PTPRZ1: variants seen among roughly 807,000 people sequenced by gnomAD.
The protein encoded by PTPRZ1 is receptor-type tyrosine-protein phosphatase zeta.
PTPRZ1 carries 82 observed loss-of-function variants against 214.1 expected under a neutral mutation model. The ratio of observed to expected loss-of-function variants is 0.38; its 90% CI spans 0.32 to 0.46. The LOEUF (loss-of-function observed/expected upper bound fraction) is 0.46. PTPRZ1 is among the 20% of genes least tolerant of loss of function. The probability of loss-of-function intolerance (pLI) is 1.00; values close to 1 mark genes in which losing one functional copy is unlikely to be tolerated. For missense variants in PTPRZ1, 2,603 were observed against 2,748.7 expected, an observed-to-expected ratio of 0.95 and a Z score of 1.19; for synonymous variants, 945 against 987.9, an observed-to-expected ratio of 0.96 and a Z score of 0.81.
intron 12 of PTPRZ1, 73 bp from the exon 13 acceptor site, chr7:122,019,051 T>C: frequency 7.1e-7 from 1 of 1,414,586 alleles, no homozygotes; most frequent in South Asian, 1.3e-5. Context: ...AAGGTTGCAA[T>C]TAATCAGTTG....
At chr7:121,941,607 G>T (rs552395957) in intron 2 of PTPRZ1, among the ~76,000 whole-genome samples, 1 of 152,130 alleles carries the variant, frequency 6.6e-6, no homozygotes, top group Non-Finnish European at 1.5e-5. Flanking sequence ...TTATAATCAG[G>T]TGTGGGAAAA....
At chr7:122,041,859 A>G (rs918128751) in intron 21 of PTPRZ1, among the ~76,000 whole-genome samples, 1 of 152,204 alleles carries the variant, frequency 6.6e-6, no homozygotes. Context: ...GCCTGATTAT[A>G]AACTGAGGAA....
intron 1 of PTPRZ1, among the ~76,000 whole-genome samples, chr7:121,885,629 A>G (rs983455779): frequency 1.3e-5 from 2 of 152,210 alleles, no homozygotes; most frequent in Admixed American, 6.5e-5. Flanking sequence ...AGAAATCAAG[A>G]AAACACAAGA....
chr7:121,943,346 A>G (rs1307689105), intron 2 of PTPRZ1, among the ~76,000 whole-genome samples: 1 of 152,050 alleles, frequency 6.6e-6, no homozygotes, highest in Non-Finnish European at 1.5e-5. Context: ...TTATGTATTT[A>G]TTTATTTTTT....
chr7:122,011,275 G>T lies in PTPRZ1; in HGVS notation c.2229G>T (p.Val743=), dbSNP rs1205871839. The change falls in exon 12 of 30, where the codon GTG becomes GTT. Residue 743 remains valine, a synonymous_variant. Transcript: ENST00000393386. ...RQQDLVSTVN[V]VYSQTTQPVY... The stretch of plus-strand genomic sequence containing the variant: ...AGGATTTGGTCTCCACGGTCAACGT[G>T]GTATACTCGCAGACAACCCAACCGG... 1 of 1,613,860 alleles carries T rather than the reference G, an allele frequency of 6.2e-7. No individual in the cohort carries two copies. The highest frequency in any genetic ancestry group is 8.5e-7 in the Non-Finnish European group (1 of 1,179,904).
intron 1 of PTPRZ1, among the ~76,000 whole-genome samples, chr7:121,903,413 G>A (rs1454901828): frequency 6.6e-6 from 1 of 152,050 alleles, no homozygotes; most frequent in African/African-American, 2.4e-5. Flanking sequence ...TTTATTGCAG[G>A]CTTCTACTGT....
At chr7:121,896,528 A>G (rs1177237209) in intron 1 of PTPRZ1, among the ~76,000 whole-genome samples, 2 of 152,134 alleles carry the variant, frequency 1.3e-5, no homozygotes, top group Non-Finnish European at 2.9e-5. Flanking sequence ...AACGGAAGAA[A>G]ACCCGTCATA....
chr7:121,964,755 G>A (rs1054044084), intron 2 of PTPRZ1, among the ~76,000 whole-genome samples: 5 of 152,280 alleles, frequency 3.3e-5, no homozygotes, highest in African/African-American at 1.2e-4. Flanking sequence ...AGTCTCTCCT[G>A]TAGATGCTTT....
Position 122,012,007 on chromosome 7 carries a change from T to G in PTPRZ1, c.2961T>G (p.Thr987=), listed in dbSNP as rs768131507. The part of the protein sequence containing the change: ...ITPTASLLQP[T]HALSGDGEWS... ...CAACTGCATCATTACTGCAGCCTAC[T>G]CATGCCCTCTCTGGTGATGGGGAAT... Residue 987 remains threonine (T), a synonymous_variant, in exon 12 of 30, where the codon ACT becomes ACG. Coordinates refer to ENST00000393386, the MANE Select transcript of PTPRZ1 (RefSeq NM_002851.3). 2 of 1,614,090 alleles carry G rather than the reference T, an allele frequency of 1.2e-6. No homozygotes were observed. Among genetic ancestry groups the G allele is most frequent in the Non-Finnish European group, 1.7e-6 (2 of 1,180,022 alleles).
chr7:121,886,754 T>A (rs1340543468), intron 1 of PTPRZ1, among the ~76,000 whole-genome samples: 1 of 152,178 alleles, frequency 6.6e-6, no homozygotes, highest in Non-Finnish European at 1.5e-5. Flanking sequence ...ATTCTACAAC[T>A]GACTTTAATA....
intron 2 of PTPRZ1, among the ~76,000 whole-genome samples, chr7:121,962,946 G>C (rs544340920): frequency 6.6e-6 from 1 of 152,098 alleles, no homozygotes; most frequent in Admixed American, 6.5e-5. Flanking sequence ...TTCTTTTAGA[G>C]TGCTTTGCAT....
At chr7:122,007,603 T>A (rs912909898) in intron 11 of PTPRZ1, among the ~76,000 whole-genome samples, 1 of 152,122 alleles carries the variant, frequency 6.6e-6, no homozygotes, top group African/African-American at 2.4e-5. Context: ...GGAAAATGCA[T>A]GGAATATATT....
At chr7:121,972,474 G>T in intron 3 of PTPRZ1, 67 bp from the exon 4 acceptor site, 1 of 1,415,904 alleles carries the variant, frequency 7.1e-7, no homozygotes, top group Non-Finnish European at 9.5e-7. Context: ...TAAGTAGATG[G>T]AAATTTAGTT....
At chr7:121,883,784 G>A (rs995793591) in intron 1 of PTPRZ1, among the ~76,000 whole-genome samples, 6 of 152,094 alleles carry the variant, frequency 3.9e-5, no homozygotes, top group Non-Finnish European at 8.8e-5. Context: ...GTGCCACCAT[G>A]CCCAGCTAAT....
intron 2 of PTPRZ1, among the ~76,000 whole-genome samples, chr7:121,958,846 C>T (rs2116480495): frequency 6.6e-6 from 1 of 152,210 alleles, no homozygotes; most frequent in Non-Finnish European, 1.5e-5. Flanking sequence ...GTTTTTGAGA[C>T]AGAGTCTCAC....
intron 23 of PTPRZ1, among the ~76,000 whole-genome samples, chr7:122,051,087 C>A (rs1339201254): frequency 6.6e-6 from 1 of 151,930 alleles, no homozygotes; most frequent in Non-Finnish European, 1.5e-5. Flanking sequence ...TACACACACA[C>A]GATGTAATTT....
At chr7:121,962,029 C>T (rs1796894433) in intron 2 of PTPRZ1, among the ~76,000 whole-genome samples, 1 of 152,168 alleles carries the variant, frequency 6.6e-6, no homozygotes, top group African/African-American at 2.4e-5. Context: ...TAATAACACT[C>T]AGGTGGCTAC....
chr7:121,903,964 TCTCACACACA>T (rs928392927), intron 1 of PTPRZ1, among the ~76,000 whole-genome samples: 1 of 81,616 alleles, frequency 1.2e-5, no homozygotes, highest in African/African-American at 5.6e-5. Context: ...AGTCTTTAAA[TCTCACACACA>T]CACACACACA....
chr7:121,994,111 T>A (rs1174294837), intron 8 of PTPRZ1, among the ~76,000 whole-genome samples: 3 of 152,098 alleles, frequency 2.0e-5, no homozygotes, highest in Admixed American at 2.0e-4. Flanking sequence ...TTAATGTTGA[T>A]TCATAAATTT....
Sources: gnomAD v4.1 joint callset for allele counts (sites outside exome capture counted in the v4.1 genomes callset) on GRCh38, gnomAD v4.1.1 for gene constraint, MANE v1.5 for transcripts, NCBI Gene and HGNC (gene_info 2026-07-23, HGNC 2026-07-21) for gene names.